KCNB2: variants seen among roughly 807,000 people sequenced by gnomAD.
KCNB2 encodes potassium voltage-gated channel subfamily B member 2.
Under a neutral mutation model 61.5 loss-of-function variants are expected in KCNB2, and 15 were observed. That is an observed-to-expected ratio of 0.24 (90% CI 0.16 to 0.38). The LOEUF (loss-of-function observed/expected upper bound fraction) is 0.38, where lower values mean the gene tolerates loss of function less well. KCNB2 is among the 10% of genes least tolerant of loss of function. The pLI, the probability that KCNB2 is intolerant of heterozygous loss-of-function variation, is 1.00. For missense variants in KCNB2, 828 were observed against 1,125.2 expected (o/e 0.74, Z 3.78); for synonymous variants, 457 against 446.0 (o/e 1.02, Z -0.31).
chr8:72,761,473 G>T (rs1278384019), intron 2 of KCNB2, among the ~76,000 whole-genome samples: 62 of 152,202 alleles, frequency 4.1e-4, no homozygotes, highest in Non-Finnish European at 2.9e-5. Flanking sequence ...CACTGTGGTT[G>T]CCAAAGGATA....
chr8:72,806,576 C>G (rs1427696908), intron 2 of KCNB2, among the ~76,000 whole-genome samples: 1 of 151,516 alleles, frequency 6.6e-6, no homozygotes, highest in Non-Finnish European at 1.5e-5. Flanking sequence ...GATTGCACCA[C>G]TGCACTCCAG....
chr8:72,903,234 G>C (rs1806117177), intron 2 of KCNB2, among the ~76,000 whole-genome samples: 1 of 152,176 alleles, frequency 6.6e-6, no homozygotes, highest in Non-Finnish European at 1.5e-5. Flanking sequence ...GGTAGCACTA[G>C]TAGGTGATTA....
At chr8:72,816,506 A>G (rs1809399086) in intron 2 of KCNB2, among the ~76,000 whole-genome samples, 1 of 152,230 alleles carries the variant, frequency 6.6e-6, no homozygotes, top group South Asian at 2.1e-4. Context: ...AAATATGCAC[A>G]AAATACAGCA....
chr8:72,612,353 A>G (rs533040265), intron 2 of KCNB2, among the ~76,000 whole-genome samples: 1 of 152,372 alleles, frequency 6.6e-6, no homozygotes, highest in South Asian at 2.1e-4. Context: ...CAACTTTAGT[A>G]AATGTAAACA....
intron 2 of KCNB2, among the ~76,000 whole-genome samples, chr8:72,813,522 GGGAA>G (rs1276534505): frequency 6.6e-6 from 1 of 152,032 alleles, no homozygotes; most frequent in African/African-American, 2.4e-5. Context: ...GTTCTAAAAG[GGGAA>G]GAAAGGGCCG....
At chr8:72,602,822 C>T (rs995811429) in intron 2 of KCNB2, among the ~76,000 whole-genome samples, 1 of 152,082 alleles carries the variant, frequency 6.6e-6, no homozygotes, top group African/African-American at 2.4e-5. Context: ...TCTCTCTTTC[C>T]ATGTCATCTC....
At chr8:72,617,803 C>T (rs977254541) in intron 2 of KCNB2, among the ~76,000 whole-genome samples, 1 of 152,136 alleles carries the variant, frequency 6.6e-6, no homozygotes, top group Admixed American at 6.6e-5. Flanking sequence ...ACCTCCCCGC[C>T]GGCCCCGGCC....
intron 2 of KCNB2, among the ~76,000 whole-genome samples, chr8:72,693,964 G>A (rs1182271189): frequency 6.6e-6 from 1 of 152,082 alleles, no homozygotes; most frequent in Non-Finnish European, 1.5e-5. Context: ...AATCGAACAC[G>A]ATTCCAAATA....
chr8:72,599,398 A>G (rs955009197), intron 2 of KCNB2, among the ~76,000 whole-genome samples: 2 of 152,184 alleles, frequency 1.3e-5, no homozygotes, highest in African/African-American at 2.4e-5. Flanking sequence ...CTAGCCATAT[A>G]TAGAAAGCTG....
chr8:72,633,981 G>T (rs557756637), intron 2 of KCNB2, among the ~76,000 whole-genome samples: 1 of 125,508 alleles, frequency 8.0e-6, no homozygotes, highest in Non-Finnish European at 2.0e-5. Flanking sequence ...AGTCAGACTG[G>T]AACACCTTGC....
At chr8:72,626,189 T>C (rs759329940) in intron 2 of KCNB2, among the ~76,000 whole-genome samples, 3 of 152,160 alleles carry the variant, frequency 2.0e-5, no homozygotes, top group African/African-American at 4.8e-5. Context: ...ACAAGCTACC[T>C]GGCTTTATAA....
chr8:72,840,848 T>C (rs1479201496), intron 2 of KCNB2, among the ~76,000 whole-genome samples: 1 of 152,204 alleles, frequency 6.6e-6, no homozygotes, highest in Non-Finnish European at 1.5e-5. Context: ...TCCTATTCTG[T>C]AGGTTGCCTG....
intron 2 of KCNB2, among the ~76,000 whole-genome samples, chr8:72,748,753 A>T (rs1808129402): frequency 6.6e-6 from 1 of 151,886 alleles, no homozygotes; most frequent in African/African-American, 2.4e-5. Context: ...ACAATATTAT[A>T]TACTTATTGT....
chr8:72,866,104 C>G (rs1018429511), intron 2 of KCNB2, among the ~76,000 whole-genome samples: 2 of 152,198 alleles, frequency 1.3e-5, no homozygotes, highest in Non-Finnish European at 2.9e-5. Context: ...CCACAAAGAG[C>G]TATCAGTAAT....
intron 2 of KCNB2, among the ~76,000 whole-genome samples, chr8:72,801,836 A>AAAAAAAC (rs199794319): frequency 5.3e-5 from 8 of 152,222 alleles, no homozygotes; most frequent in Non-Finnish European, 1.0e-4. Flanking sequence ...GAAAAAGAAA[A>AAAAAAAC]AAAAAACAAA....
intron 2 of KCNB2, among the ~76,000 whole-genome samples, chr8:72,793,209 C>A (rs1808974744): frequency 1.3e-5 from 2 of 152,056 alleles, no homozygotes. Flanking sequence ...TCTGCTTTTA[C>A]CAAACTTAAC....
intron 2 of KCNB2, among the ~76,000 whole-genome samples, chr8:72,729,605 C>T (rs184194254): frequency 7.0e-4 from 107 of 152,234 alleles, no homozygotes; most frequent in African/African-American, 2.4e-3. Flanking sequence ...TGGGTCTTGC[C>T]GGGCGCGGTG....
At chr8:72,672,285 G>T (rs1442226778) in intron 2 of KCNB2, among the ~76,000 whole-genome samples, 1 of 152,096 alleles carries the variant, frequency 6.6e-6, no homozygotes, top group Admixed American at 6.6e-5. Context: ...GGATCCTATA[G>T]AATTTCTCTA....
chr8:72,713,660 A>G (rs921394793), intron 2 of KCNB2, among the ~76,000 whole-genome samples: 15 of 152,230 alleles, frequency 9.9e-5, no homozygotes, highest in Non-Finnish European at 2.2e-4. Context: ...ACCCCTCTGT[A>G]CATCACCATC....
Sources: allele counts gnomAD v4.1 joint callset (sites outside exome capture counted in the v4.1 genomes callset), GRCh38; gene constraint gnomAD v4.1.1; transcripts MANE v1.5; gene names NCBI Gene and HGNC (gene_info 2026-07-23, HGNC 2026-07-21).